PHF14: variants seen among roughly 807,000 people sequenced by gnomAD.
PHF14 encodes PHD finger protein 14.
Under a neutral mutation model 117.9 loss-of-function variants are expected in PHF14, and 55 were observed. The observed-to-expected ratio is 0.47, with a 90% CI of 0.38 to 0.58. PHF14 has a LOEUF of 0.58. PHF14 is among the 20% of genes least tolerant of loss of function. The pLI is 0.00. For synonymous variants in PHF14, 409 were observed against 368.6 expected (o/e 1.11, Z -1.26); for missense variants, 978 against 1,122.2 (o/e 0.87, Z 1.84).
intron 2 of PHF14, among the ~76,000 whole-genome samples, chr7:10,978,186 G>A (rs1781934467): frequency 6.6e-6 from 1 of 152,324 alleles, no homozygotes; most frequent in South Asian, 2.1e-4. Context: ...GGACCAAGAT[G>A]TGTTCATTGA....
intron 16 of PHF14, chr7:11,062,684 C>T (rs886580442): frequency 1.0e-6 from 1 of 983,734 alleles, no homozygotes; most frequent in African/African-American, 1.7e-5. Context: ...TAATGCTAAT[C>T]AGAAATCTTA....
chr7:11,079,038 G>A (rs1013247781), intron 16 of PHF14, among the ~76,000 whole-genome samples: 4 of 152,102 alleles, frequency 2.6e-5, no homozygotes, highest in African/African-American at 9.7e-5. Flanking sequence ...TTCCTTCTGT[G>A]AAAGTTTCAA....
chr7:11,120,402 A>G (rs1270912671), intron 17 of PHF14, among the ~76,000 whole-genome samples: 1 of 152,022 alleles, frequency 6.6e-6, no homozygotes, highest in Non-Finnish European at 1.5e-5. Context: ...ATGTTAAGAA[A>G]TGTTTTTTAA....
intron 6 of PHF14, among the ~76,000 whole-genome samples, chr7:11,024,969 C>A (rs1783859080): frequency 6.6e-6 from 1 of 152,144 alleles, no homozygotes; most frequent in African/African-American, 2.4e-5. Context: ...AAATTGAAAA[C>A]CTTCTAGAAA....
At chr7:11,129,026 A>G (rs936192435) in intron 17 of PHF14, among the ~76,000 whole-genome samples, 2 of 151,960 alleles carry the variant, frequency 1.3e-5, no homozygotes, top group African/African-American at 4.8e-5. Flanking sequence ...AAACTCTCTT[A>G]CAACAGAGGA....
At chr7:10,986,638 A>C (rs1196546771) in intron 3 of PHF14, among the ~76,000 whole-genome samples, 1 of 152,206 alleles carries the variant, frequency 6.6e-6, no homozygotes, top group African/African-American at 2.4e-5. Context: ...AATTTAGTGC[A>C]GCCTGAAGAA....
intron 17 of PHF14, among the ~76,000 whole-genome samples, chr7:11,146,375 A>G (rs1788548882): frequency 1.3e-5 from 2 of 152,066 alleles, no homozygotes; most frequent in African/African-American, 4.8e-5. Context: ...CTCTAACCTT[A>G]TCCTCATCCC....
At chr7:11,166,239 A>G (rs1490913522) in intron 17 of PHF14, among the ~76,000 whole-genome samples, 1 of 152,124 alleles carries the variant, frequency 6.6e-6, no homozygotes, top group Non-Finnish European at 1.5e-5. Context: ...ACAAATGTCA[A>G]ACTTGTCAGG....
chr7:11,001,520 T>G (rs1301156941), intron 4 of PHF14, among the ~76,000 whole-genome samples: 1 of 152,202 alleles, frequency 6.6e-6, no homozygotes, highest in Non-Finnish European at 1.5e-5. Flanking sequence ...GCTTTTTTAT[T>G]CATGAACATA....
At chr7:11,123,109 TCA>T (rs763119112) in intron 17 of PHF14, among the ~76,000 whole-genome samples, 2 of 152,078 alleles carry the variant, frequency 1.3e-5, no homozygotes, top group Non-Finnish European at 2.9e-5. Flanking sequence ...TAGGTTGGTT[TCA>T]CAGTCTTTTT....
chr7:11,046,986 T>C (rs1456277121), intron 13 of PHF14, among the ~76,000 whole-genome samples: 1 of 152,172 alleles, frequency 6.6e-6, no homozygotes, highest in Non-Finnish European at 1.5e-5. Context: ...GATTTATTTA[T>C]TGCATTATTG....
At chr7:11,163,527 G>A (rs1388928143) in intron 17 of PHF14, among the ~76,000 whole-genome samples, 1 of 152,108 alleles carries the variant, frequency 6.6e-6, no homozygotes, top group African/African-American at 2.4e-5. Context: ...AAAGGCCAAA[G>A]GTTGTTAAAT....
chr7:11,028,587 C>A, intron 6 of PHF14, 94 bp from the exon 7 acceptor site: 1 of 1,100,550 alleles, frequency 9.1e-7, no homozygotes, highest in Non-Finnish European at 1.3e-6. Context: ...TTGTATTTAG[C>A]ATTTTAAATA....
chr7:11,142,907 T>A (rs1342892974), intron 17 of PHF14, among the ~76,000 whole-genome samples: 1 of 152,142 alleles, frequency 6.6e-6, no homozygotes, highest in Non-Finnish European at 1.5e-5. Flanking sequence ...CCTCTCAGTT[T>A]AAAAAATCTA....
rs1256614887 is a variant in PHF14 at position 11,122,346 on chromosome 7, T to TAC, written c.2772+10880_2772+10881insCA. Among the ~76,000 whole-genome samples the TAC allele has an allele frequency of 7.7e-5, 5 of 64,552 alleles. No individual in the cohort carries two copies. The East Asian group carries it at 2.7e-3, about 35-fold the overall frequency. The allele number at this position is 64,552 out of a possible 152,430, so 42.3% of individuals were successfully genotyped here. A position where few individuals can be genotyped will look rare whatever the true frequency, so the allele number is the denominator to read the frequency against. On this transcript the variant is annotated intron_variant, in intron 17 of 17. Transcript: ENST00000634607. ...TTTGTACTTTTTATATATATATATATATATATACACACACACACACACACA... is the reference window on the plus strand; with the variant it reads ...TTTGTACTTTTTATATATATATATATACATATATACACACACACACACACACA...
chr7:10,975,358 T>G (rs1430207147), intron 2 of PHF14, among the ~76,000 whole-genome samples: 1 of 152,186 alleles, frequency 6.6e-6, no homozygotes, highest in African/African-American at 2.4e-5. Flanking sequence ...GAGTTTTGCT[T>G]TTTTTGTGTA....
intron 17 of PHF14, among the ~76,000 whole-genome samples, chr7:11,133,482 A>G (rs1788139155): frequency 6.6e-6 from 1 of 151,980 alleles, no homozygotes; most frequent in South Asian, 2.1e-4. Flanking sequence ...TTTTTAATGC[A>G]AAATGGTTGG....
At chr7:11,009,678 T>C (rs1783269588) in intron 4 of PHF14, among the ~76,000 whole-genome samples, 1 of 152,192 alleles carries the variant, frequency 6.6e-6, no homozygotes, top group South Asian at 2.1e-4. Flanking sequence ...CCAACAGGTA[T>C]GACAGAGAAA....
intron 17 of PHF14, among the ~76,000 whole-genome samples, chr7:11,133,549 G>A (rs962848728): frequency 3.0e-4 from 46 of 152,028 alleles, no homozygotes; most frequent in African/African-American, 1.1e-3. Context: ...TGAGTTTATA[G>A]CCACTGAAAA....
Sources: gnomAD v4.1 joint callset for allele counts (sites outside exome capture counted in the v4.1 genomes callset) on GRCh38, gnomAD v4.1.1 for gene constraint, MANE v1.5 for transcripts, NCBI Gene and HGNC (gene_info 2026-07-23, HGNC 2026-07-21) for gene names.